PRKCA: variants seen among roughly 807,000 people sequenced by gnomAD.
PRKCA encodes protein kinase C alpha, also known as protein kinase C alpha type.
Under a neutral mutation model 87.0 loss-of-function variants are expected in PRKCA, and 27 were observed. The ratio of observed to expected loss-of-function variants is 0.31; its 90% CI spans 0.23 to 0.43. PRKCA has a LOEUF of 0.43. PRKCA is among the 20% of genes least tolerant of loss of function. The probability of loss-of-function intolerance (pLI) is 1.00; values close to 1 mark genes in which losing one functional copy is unlikely to be tolerated. For synonymous variants in PRKCA, 329 were observed against 311.1 expected (o/e 1.06, Z -0.61); for missense variants, 518 against 852.3 (o/e 0.61, Z 4.88).
intron 5 of PRKCA, among the ~76,000 whole-genome samples, chr17:66,660,388 T>A (rs1317683833): frequency 6.6e-6 from 1 of 152,208 alleles, no homozygotes; most frequent in East Asian, 1.9e-4. Context: ...TTCTTCCTTG[T>A]CAAGTTGCTC....
chr17:66,338,884 T>C (rs890988955), intron 2 of PRKCA, among the ~76,000 whole-genome samples: 3 of 152,180 alleles, frequency 2.0e-5, no homozygotes, highest in African/African-American at 7.2e-5. Context: ...CAGGCTATGG[T>C]ATCACTCCAT....
intron 2 of PRKCA, among the ~76,000 whole-genome samples, chr17:66,395,861 C>T (rs1411212779): frequency 6.6e-6 from 1 of 151,978 alleles, no homozygotes; most frequent in Non-Finnish European, 1.5e-5. Context: ...GTTTCCAGGG[C>T]CTACATTTTG....
At chr17:66,631,766 C>T (rs1567943580) in intron 3 of PRKCA, among the ~76,000 whole-genome samples, 1 of 152,152 alleles carries the variant, frequency 6.6e-6, no homozygotes, top group Non-Finnish European at 1.5e-5. Context: ...CCATGATGTG[C>T]TTATTTCACA....
At chr17:66,651,312 G>A (rs1427183453) in intron 5 of PRKCA, among the ~76,000 whole-genome samples, 1 of 152,198 alleles carries the variant, frequency 6.6e-6, no homozygotes, top group Admixed American at 6.5e-5. Context: ...CATGCGCACA[G>A]GCTCTGAGTT....
At chr17:66,497,898 A>G (rs1916547803) in intron 3 of PRKCA, among the ~76,000 whole-genome samples, 1 of 152,226 alleles carries the variant, frequency 6.6e-6, no homozygotes, top group Non-Finnish European at 1.5e-5. Flanking sequence ...GGGAACATGC[A>G]CAATGGGGTT....
chr17:66,671,178 A>G (rs1487771494), intron 5 of PRKCA, among the ~76,000 whole-genome samples: 1 of 140,686 alleles, frequency 7.1e-6, no homozygotes, highest in Admixed American at 7.6e-5. Flanking sequence ...ACCATTGCAC[A>G]CCAGCCCAGG....
At chr17:66,583,051 T>A (rs1046106040) in intron 3 of PRKCA, among the ~76,000 whole-genome samples, 5 of 152,218 alleles carry the variant, frequency 3.3e-5, no homozygotes, top group Non-Finnish European at 7.3e-5. Flanking sequence ...TACTGCATAG[T>A]GGCTGTGAGG....
intron 8 of PRKCA, among the ~76,000 whole-genome samples, chr17:66,698,819 CAAAA>C (rs59309576): frequency 9.7e-6 from 1 of 102,778 alleles, no homozygotes. Context: ...ACTAAAAATA[CAAAA>C]AAAAAAAAAA....
At chr17:66,640,810 G>A (rs61762391) in intron 3 of PRKCA, 44 of 353,116 alleles carry the variant, frequency 1.2e-4, no homozygotes, top group African/African-American at 5.5e-4. Flanking sequence ...GGTGGAAACC[G>A]TGGTATGTGC....
intron 3 of PRKCA, among the ~76,000 whole-genome samples, chr17:66,554,880 C>CTTT (rs565435672): frequency 1.2e-4 from 16 of 138,524 alleles, no homozygotes; most frequent in Non-Finnish European, 1.9e-4. Flanking sequence ...ATTGTAAATT[C>CTTT]TTTTTTTTTT....
At position 66,690,393 on chromosome 17, in the gene PRKCA, C is replaced by T. The variant is rs78074699; in HGVS notation, c.918+1346C>T. On this transcript the variant is annotated intron_variant, in intron 8 of 16. Coordinates refer to ENST00000413366, the MANE Select transcript of PRKCA (RefSeq NM_002737.3). ...CAGCTCTGTCTGCAGGTGGCAGCTA[C>T]GGCTACCCTGCCCCACTCGATGTTT... Among the ~76,000 whole-genome samples, 393 of 152,268 alleles carry T rather than the reference C, an allele frequency of 2.6e-3. 18 individuals are homozygous for T. In the East Asian group the frequency reaches 0.064, roughly 25 times the overall value.
chr17:66,757,793 C>G (rs895752602), intron 13 of PRKCA, among the ~76,000 whole-genome samples: 1 of 152,144 alleles, frequency 6.6e-6, no homozygotes, highest in Admixed American at 6.5e-5. Context: ...GGCGCCATCT[C>G]GGCTCACTGC....
At chr17:66,631,705 T>C (rs1228039881) in intron 3 of PRKCA, among the ~76,000 whole-genome samples, 1 of 152,186 alleles carries the variant, frequency 6.6e-6, no homozygotes, top group Non-Finnish European at 1.5e-5. Flanking sequence ...AGGAGCATAA[T>C]TGGATTGTAA....
At chr17:66,520,703 C>G (rs1009682118) in intron 3 of PRKCA, among the ~76,000 whole-genome samples, 1 of 152,224 alleles carries the variant, frequency 6.6e-6, no homozygotes, top group Non-Finnish European at 1.5e-5. Flanking sequence ...ATTATACTTT[C>G]TCCTTGGGCT....
chr17:66,325,859 G>A (rs1040789026), intron 2 of PRKCA, among the ~76,000 whole-genome samples: 48 of 152,002 alleles, frequency 3.2e-4, no homozygotes, highest in African/African-American at 1.2e-3. Flanking sequence ...TTCCTTTCCT[G>A]TCTCCCATCC....
Position 66,804,877 on chromosome 17 carries a change from C to T in PRKCA, c.*840C>T, listed in dbSNP as rs1259654834. 2.3e-6 allele frequency: 1 copy of T among 433,580 alleles called. No individual in the cohort carries two copies. Among genetic ancestry groups the T allele is most frequent in the Non-Finnish European group, 3.1e-6 (1 of 325,686 alleles). 26.9% of individuals were successfully genotyped at this position (433,580 alleles called of 1,614,324 possible). A position where few individuals can be genotyped will look rare whatever the true frequency, so the allele number is the denominator to read the frequency against. On this transcript the variant is annotated 3_prime_UTR_variant, in exon 17 of 17. Coordinates refer to ENST00000413366, the MANE Select transcript of PRKCA (RefSeq NM_002737.3). Reference sequence around the variant, plus strand: ...TTCCATCCAGGGTGCCATCAGTAATCATGCCACTACTCACCAGTGTTGTTC... The same window carrying T: ...TTCCATCCAGGGTGCCATCAGTAATTATGCCACTACTCACCAGTGTTGTTC...
chr17:66,369,049 C>T (rs1908936873), intron 2 of PRKCA, among the ~76,000 whole-genome samples: 1 of 152,178 alleles, frequency 6.6e-6, no homozygotes, highest in African/African-American at 2.4e-5. Context: ...TCACCTTCTT[C>T]CCAAGTGGTT....
At chr17:66,357,653 A>T (rs186762133) in intron 2 of PRKCA, among the ~76,000 whole-genome samples, 1 of 152,336 alleles carries the variant, frequency 6.6e-6, no homozygotes. Flanking sequence ...TATAAAATAG[A>T]AATAATACTA....
At chr17:66,540,746 G>A (rs1050248702) in intron 3 of PRKCA, among the ~76,000 whole-genome samples, 1 of 152,200 alleles carries the variant, frequency 6.6e-6, no homozygotes, top group African/African-American at 2.4e-5. Context: ...ACTTGTTTGA[G>A]TCTCCCATTT....
Sources: gnomAD v4.1 joint callset for allele counts (sites outside exome capture counted in the v4.1 genomes callset) on GRCh38, gnomAD v4.1.1 for gene constraint, MANE v1.5 for transcripts, NCBI Gene and HGNC (gene_info 2026-07-23, HGNC 2026-07-21) for gene names.